The following KIAA0408 variants were observed in gnomAD, a reference collection of about 807,000 sequenced individuals.
The protein encoded by KIAA0408 is uncharacterized protein KIAA0408.
In KIAA0408, 51 loss-of-function variants were observed where a neutral mutation model predicts 60.9. That is an observed-to-expected ratio of 0.84 (90% CI 0.67 to 1.06). The LOEUF (loss-of-function observed/expected upper bound fraction) is 1.06, where lower values mean the gene tolerates loss of function less well. Among genes scored for constraint, KIAA0408 ranks in the 50% least tolerant of loss-of-function variants. The pLI, the probability that KIAA0408 is intolerant of heterozygous loss-of-function variation, is 0.00. For synonymous variants in KIAA0408, 304 were observed against 282.4 expected, an observed-to-expected ratio of 1.08 and a Z score of -0.77; for missense variants, 787 against 833.9, an observed-to-expected ratio of 0.94 and a Z score of 0.69.
In KIAA0408 at chr6:127,449,985, C is replaced by A; in HGVS notation, c.498+5G>T. On this transcript the variant is annotated splice_donor_5th_base_variant and intron_variant, in intron 3 of 5. Coordinates refer to ENST00000483725, the MANE Select transcript of KIAA0408 (RefSeq NM_014702.5). ...ACAGTTCTAGGCCAATCACATCTTA[C>A]TTACTGTACTGAGGGCGCCAGAACA... is the stretch of plus-strand genomic sequence containing the variant. 6.2e-7 allele frequency: 1 copy of A among 1,613,748 alleles called. No homozygotes were observed. The highest frequency in any genetic ancestry group is 1.1e-5 in the South Asian group (1 of 91,068).
rs1295356273 is a variant in KIAA0408 at position 127,443,300 on chromosome 6, T to A, written c.*809A>T. The A allele has an allele frequency of 1.3e-5, 2 of 152,146 alleles. No individual in the cohort carries two copies. Among genetic ancestry groups the A allele is most frequent in the Admixed American group, 1.3e-4 (2 of 15,278 alleles). 9.4% of individuals were successfully genotyped at this position (152,146 alleles called of 1,614,324 possible). A position where few individuals can be genotyped will look rare whatever the true frequency, so the allele number is the denominator to read the frequency against. On this transcript the variant is annotated 3_prime_UTR_variant, in exon 6 of 6. Transcript: ENST00000483725. The stretch of plus-strand genomic sequence containing the variant: ...AAAATAAATTCATCATTTAATCATG[T>A]CATTTATAATGCAGTCTCATGATAC...
At chr6:127,452,399 T>A (rs1273545001) in intron 2 of KIAA0408, among the ~76,000 whole-genome samples, 1 of 152,066 alleles carries the variant, frequency 6.6e-6, no homozygotes, top group Non-Finnish European at 1.5e-5. Context: ...GATAAAAAAA[T>A]ATGACAGCCC....
chr6:127,441,620 T>C lies in KIAA0408; in HGVS notation c.*2489A>G, dbSNP rs1428968705. On this transcript the variant is annotated 3_prime_UTR_variant, in exon 6 of 6. Transcript: ENST00000483725. ...TTACAAGTCCCTTTAAATCTAGCAA[T>C]GATAGCATAATAAAGGGCATATTCT... is the stretch of plus-strand genomic sequence containing the variant. 1 of 152,148 alleles carries C rather than the reference T, an allele frequency of 6.6e-6. No homozygotes were observed. Among genetic ancestry groups the C allele is most frequent in the African/African-American group, 2.4e-5 (1 of 41,422 alleles). 9.4% of individuals were successfully genotyped at this position (152,148 alleles called of 1,614,324 possible). A position where few individuals can be genotyped will look rare whatever the true frequency, so the allele number is the denominator to read the frequency against.
In KIAA0408 at chr6:127,446,615, T is replaced by A. The variant is rs368021660; in HGVS notation, c.1704A>T (p.Lys568Asn). Residue 568 changes from lysine to asparagine, a missense_variant, in exon 5 of 6, where the codon AAA becomes AAT. Lys to Asn is a moderately conservative substitution (Grantham distance 94). Around this residue, in one of 3 missense-constraint regions of KIAA0408, gnomAD observed 640 missense variants for 681.3 expected, o/e 0.94. Coordinates refer to ENST00000483725, the MANE Select transcript of KIAA0408 (RefSeq NM_014702.5). ...CAGACTCTGTTGCTGTCTCATAGGT[T>A]TTCAGCAGCTTTTCCACAACACCAT... ...SNYGVVEKLL[K>N]TYETATESAL... 2 of 1,613,996 alleles carry A rather than the reference T, an allele frequency of 1.2e-6. No homozygotes were observed. Among genetic ancestry groups the A allele is most frequent in the Non-Finnish European group, 1.7e-6 (2 of 1,180,030 alleles).
At chr6:127,444,730 CA>C (rs1257852822) in intron 5 of KIAA0408, among the ~76,000 whole-genome samples, 1 of 151,284 alleles carries the variant, frequency 6.6e-6, no homozygotes, top group African/African-American at 2.4e-5. Context: ...GCAAAAGGCA[CA>C]CAAACCAAAT....
rs1773138588 is a variant in KIAA0408, at chr6:127,443,517, G to A, written c.*592C>T. On this transcript the variant is annotated 3_prime_UTR_variant, in exon 6 of 6. Transcript: ENST00000483725. ...ATATGGGTTAAGAAATTATTTATGA[G>A]TTGTCTTTAGAAATCTACCAATGTT... is the stretch of plus-strand genomic sequence containing the variant. 1 of 152,152 alleles carries A rather than the reference G, an allele frequency of 6.6e-6. No individual in the cohort carries two copies. Among genetic ancestry groups the A allele is most frequent in the African/African-American group, 2.4e-5 (1 of 41,440 alleles). 9.4% of individuals were successfully genotyped at this position (152,152 alleles called of 1,614,324 possible).
intron 1 of KIAA0408, among the ~76,000 whole-genome samples, chr6:127,456,786 G>C (rs201293505): frequency 4.2e-5 from 1 of 23,598 alleles, no homozygotes; most frequent in African/African-American, 1.7e-4. Context: ...TAAAGTGGTG[G>C]GGGGGGGGCA....
At chr6:127,444,977 A>G (rs905864694) in intron 5 of KIAA0408, among the ~76,000 whole-genome samples, 1 of 151,976 alleles carries the variant, frequency 6.6e-6, no homozygotes, top group Non-Finnish European at 1.5e-5. Flanking sequence ...GGTCCTTAAA[A>G]TTAAAACAAA....
At chr6:127,445,946 G>A (rs1773184344) in intron 5 of KIAA0408, among the ~76,000 whole-genome samples, 1 of 152,108 alleles carries the variant, frequency 6.6e-6, no homozygotes, top group Non-Finnish European at 1.5e-5. Context: ...TCATATTAAT[G>A]TGATTAATCC....
Position 127,445,556 on chromosome 6 carries a change from G to A in KIAA0408, c.1911+852C>T, listed in dbSNP as rs949875904. Among the ~76,000 whole-genome samples, 9 of 152,270 alleles carry A rather than the reference G, an allele frequency of 5.9e-5. No individual in the cohort carries two copies. The South Asian group carries it at 6.2e-4, about 11-fold the overall frequency. On this transcript the variant is annotated intron_variant, in intron 5 of 5. Coordinates refer to ENST00000483725, the MANE Select transcript of KIAA0408 (RefSeq NM_014702.5). ...GCATAATAGTTTAAAACCATGCTGCGTACTCACTGCATTCTATGAAACTAG... is the reference window on the plus strand; with the variant it reads ...GCATAATAGTTTAAAACCATGCTGCATACTCACTGCATTCTATGAAACTAG...
At position 127,441,357 on chromosome 6, in the gene KIAA0408, A is replaced by T. The variant is rs935454452; in HGVS notation, c.*2752T>A. 6.6e-6 allele frequency: 1 copy of T among 152,540 alleles called. No individual in the cohort carries two copies. Among genetic ancestry groups the T allele is most frequent in the Admixed American group, 6.6e-5 (1 of 15,266 alleles). The allele number at this position is 152,540 out of a possible 1,614,324, so 9.4% of individuals were successfully genotyped here. On this transcript the variant is annotated 3_prime_UTR_variant, in exon 6 of 6. Coordinates refer to ENST00000483725, the MANE Select transcript of KIAA0408 (RefSeq NM_014702.5). ...TACAAAGCATCATTTATATTTTTAT[A>T]TTTGGCTTTGGGACATAAGGCAATA...
At chr6:127,444,472 G>A (rs1773155666) in intron 5 of KIAA0408, among the ~76,000 whole-genome samples, 190 bp from the exon 6 acceptor site, 1 of 152,038 alleles carries the variant, frequency 6.6e-6, no homozygotes, top group Non-Finnish European at 1.5e-5. Context: ...TTTTAATATG[G>A]AATATGATAT....
rs1387709219 is a variant in KIAA0408, at chr6:127,438,737, A to G, written c.*5372T>C. 6.6e-6 allele frequency: 1 copy of G among 152,190 alleles called. No homozygotes were observed. Among genetic ancestry groups the G allele is most frequent in the African/African-American group, 2.4e-5 (1 of 41,448 alleles). 9.4% of individuals were successfully genotyped at this position (152,190 alleles called of 1,614,324 possible). A position where few individuals can be genotyped will look rare whatever the true frequency, so the allele number is the denominator to read the frequency against. On this transcript the variant is annotated 3_prime_UTR_variant, in exon 6 of 6. Transcript: ENST00000483725. ...TAAACATAGAAAAAGTATAGCAAAA[A>G]TATTGTATTATAATCTTATCATCAT...
chr6:127,448,193 C>G (rs6569491), intron 4 of KIAA0408, among the ~76,000 whole-genome samples: 121,258 of 152,062 alleles, frequency 0.8, 48,801 homozygotes, highest in African/African-American at 0.91. Context: ...TAGTCAGATA[C>G]AAATCTGAAT....
rs142827141 is a variant in KIAA0408 at position 127,443,446 on chromosome 6, A to G, written c.*663T>C. ...GATCTATTAAACTTGTGACATTTTT[A>G]TTTAAAAAGAATAAACAAGAATATC... is the stretch of plus-strand genomic sequence containing the variant. On this transcript the variant is annotated 3_prime_UTR_variant, in exon 6 of 6. Transcript: ENST00000483725. 2 of 152,284 alleles carry G rather than the reference A, an allele frequency of 1.3e-5. No individual in the cohort carries two copies. Among genetic ancestry groups the G allele is most frequent in the African/African-American group, 4.8e-5 (2 of 41,576 alleles). 9.4% of individuals were successfully genotyped at this position (152,284 alleles called of 1,614,324 possible). A position where few individuals can be genotyped will look rare whatever the true frequency, so the allele number is the denominator to read the frequency against.
Position 127,446,442 on chromosome 6 carries a change from A to G in KIAA0408, c.1877T>C (p.Val626Ala). 6.2e-7 allele frequency: 1 copy of G among 1,611,838 alleles called. No individual in the cohort carries two copies. Among genetic ancestry groups the G allele is most frequent in the Middle Eastern group, 1.7e-4 (1 of 6,050 alleles). ...QKTAVWGGQE[V>A]KQGIDPKKIT... The stretch of plus-strand genomic sequence containing the variant: ...CTTTTTCGGATCTATTCCTTGCTTC[A>G]CTTCCTGTCCCCCCCACACAGCTGT... Residue 626 changes from valine to alanine, a missense_variant, in exon 5 of 6, where the codon GTG (valine) becomes GCG (alanine). Around this residue, in one of 3 missense-constraint regions of KIAA0408, gnomAD observed 133 missense variants for 119.2 expected, o/e 1.12. Coordinates refer to ENST00000483725, the MANE Select transcript of KIAA0408 (RefSeq NM_014702.5).
At chr6:127,455,871 A>G (rs970096253) in intron 1 of KIAA0408, among the ~76,000 whole-genome samples, 8 of 152,122 alleles carry the variant, frequency 5.3e-5, no homozygotes, top group Admixed American at 1.3e-4. Flanking sequence ...GCCATAATAA[A>G]TGTCAGTGAA....
chr6:127,451,426 C>A, intron 2 of KIAA0408: 1 of 402,354 alleles, frequency 2.5e-6, no homozygotes, highest in Non-Finnish European at 5.0e-6. Context: ...ATTGTTTGGT[C>A]CCTGCCAAAT....
intron 2 of KIAA0408, among the ~76,000 whole-genome samples, chr6:127,452,874 T>C (rs1387983972): frequency 6.6e-6 from 1 of 152,096 alleles, no homozygotes; most frequent in Admixed American, 6.6e-5. Context: ...CTTTAATCCC[T>C]AATCATACAC....
Sources: gnomAD v4.1 joint callset for allele counts (sites outside exome capture counted in the v4.1 genomes callset) on GRCh38, gnomAD v4.1.1 for gene constraint, gnomAD v4.1.1 regional missense constraint, MANE v1.5 for transcripts, NCBI Gene and HGNC (gene_info 2026-07-23, HGNC 2026-07-21) for gene names.